The following ANAPC10 variants were observed in gnomAD, a reference collection of about 807,000 sequenced individuals.
ANAPC10 encodes the protein anaphase promoting complex subunit 10.
A neutral mutation model predicts 22.0 loss-of-function variants in ANAPC10; 12 were observed. That is an observed-to-expected ratio of 0.55 (90% CI 0.35 to 0.88). The LOEUF (loss-of-function observed/expected upper bound fraction) is 0.88. ANAPC10 is among the 40% of genes least tolerant of loss of function. The pLI is 0.01. For missense variants in ANAPC10, 188 were observed against 220.9 expected (o/e 0.85, Z 0.94); for synonymous variants, 65 against 69.5 (o/e 0.94, Z 0.32).
chr4:145,043,612 C>T (rs985313107), intron 4 of ANAPC10, among the ~76,000 whole-genome samples: 1 of 152,048 alleles, frequency 6.6e-6, no homozygotes, highest in South Asian at 2.1e-4. Context: ...TGAAATATAC[C>T]ATCAATTCTT....
At chr4:145,067,839 C>T (rs1743932406) in intron 3 of ANAPC10, among the ~76,000 whole-genome samples, 1 of 152,158 alleles carries the variant, frequency 6.6e-6, no homozygotes, top group Non-Finnish European at 1.5e-5. Context: ...GATCCAACTT[C>T]CCTTAAAGTT....
rs139115139 is a variant in ANAPC10 at position 145,045,743 on chromosome 4, G to A, written c.327+18829C>T. On this transcript the variant is annotated intron_variant, in intron 4 of 4. Transcript: ENST00000507656. ...CACATACTCATCTAAAATGTCACAC[G>A]TCAATACTCCTGATTTCCAAGGCTA... 5.1e-4 allele frequency among the ~76,000 whole-genome samples: 78 copies of A among 151,998 alleles called. 1 individual carries two copies. The highest frequency in any genetic ancestry group is 1.8e-3 in the African/African-American group (74 of 41,500).
At chr4:145,017,114 G>A (rs2126961941) in intron 4 of ANAPC10, among the ~76,000 whole-genome samples, 1 of 152,262 alleles carries the variant, frequency 6.6e-6, no homozygotes, top group Non-Finnish European at 1.5e-5. Context: ...AGCCAAAATT[G>A]ACAAATGGGA....
chr4:145,021,482 A>G (rs1158033702), intron 4 of ANAPC10, among the ~76,000 whole-genome samples: 1 of 152,162 alleles, frequency 6.6e-6, no homozygotes, highest in Non-Finnish European at 1.5e-5. Context: ...ATATAGGACA[A>G]TGAAACTGGA....
At position 145,034,543 on chromosome 4, in the gene ANAPC10, ATG is replaced by A. The variant is rs1553968684; in HGVS notation, c.327+30027_327+30028del. Among the ~76,000 whole-genome samples, 1,057 of 133,538 alleles carry A rather than the reference ATG, an allele frequency of 7.9e-3. 15 individuals are homozygous for A. Among genetic ancestry groups the A allele is most frequent in the Middle Eastern group, 0.012 (3 of 260 alleles). The allele number at this position is 133,538 out of a possible 152,430, so 87.6% of individuals were successfully genotyped here. On this transcript the variant is annotated intron_variant, in intron 4 of 4. Transcript: ENST00000507656. ...CTCCTTTATATATATATATATATAT[ATG>A]TGTGTGTGTGTGTGTGTGTGTGTGT...
At chr4:145,035,123 T>G (rs1313461200) in intron 4 of ANAPC10, 1 of 152,202 alleles carries the variant, frequency 6.6e-6, no homozygotes, top group East Asian at 1.9e-4. Flanking sequence ...ATGCAAGATT[T>G]GGAAAGCAGG....
chr4:145,055,734 C>T (rs113884780), intron 4 of ANAPC10, among the ~76,000 whole-genome samples: 4 of 151,964 alleles, frequency 2.6e-5, no homozygotes, highest in African/African-American at 9.7e-5. Flanking sequence ...AAAACTAGAA[C>T]AGTGCTCACC....
At chr4:145,071,513 T>G (rs572439321) in intron 3 of ANAPC10, among the ~76,000 whole-genome samples, 1 of 152,136 alleles carries the variant, frequency 6.6e-6, no homozygotes, top group Admixed American at 6.5e-5. Flanking sequence ...CAACAGAATA[T>G]TAAATAAATA....
chr4:145,068,755 C>A (rs777460093), intron 3 of ANAPC10, among the ~76,000 whole-genome samples: 17 of 152,074 alleles, frequency 1.1e-4, no homozygotes, highest in Non-Finnish European at 2.1e-4. Flanking sequence ...ACTAAAAATA[C>A]AAAATGTAGC....
intron 1 of ANAPC10, among the ~76,000 whole-genome samples, 172 bp from the exon 2 acceptor site, chr4:145,096,283 C>T (rs902096680): frequency 4.6e-5 from 7 of 152,114 alleles, no homozygotes; most frequent in African/African-American, 1.7e-4. Context: ...AGGGGCTGGG[C>T]ATGGTGGCTC....
intron 4 of ANAPC10, among the ~76,000 whole-genome samples, chr4:145,040,011 T>C (rs1739258636): frequency 6.6e-6 from 1 of 152,214 alleles, no homozygotes; most frequent in African/African-American, 2.4e-5. Context: ...CCAAAGCCCA[T>C]GCTCTTGGAT....
intron 3 of ANAPC10, among the ~76,000 whole-genome samples, chr4:145,072,258 G>GA (rs1023912481): frequency 2.2e-4 from 34 of 152,268 alleles, no homozygotes; most frequent in African/African-American, 8.2e-4. Flanking sequence ...CCAGAGCAGA[G>GA]AAAGAGCTTG....
intron 4 of ANAPC10, among the ~76,000 whole-genome samples, chr4:145,006,604 T>C (rs562688793): frequency 5.3e-5 from 8 of 152,274 alleles, no homozygotes; most frequent in South Asian, 2.1e-4. Context: ...TCATATCAAA[T>C]TGTCATTTTT....
At chr4:145,082,906 A>G (rs1746284768) in intron 2 of ANAPC10, among the ~76,000 whole-genome samples, 1 of 152,200 alleles carries the variant, frequency 6.6e-6, no homozygotes, top group South Asian at 2.1e-4. Flanking sequence ...AGACACAGTG[A>G]AAAGTCACTA....
At chr4:145,069,479 C>T (rs1744180502) in intron 3 of ANAPC10, among the ~76,000 whole-genome samples, 1 of 152,162 alleles carries the variant, frequency 6.6e-6, no homozygotes, top group African/African-American at 2.4e-5. Context: ...TACTGGAAAG[C>T]AGTAAGCCAA....
At chr4:145,055,108 G>A (rs1741854213) in intron 4 of ANAPC10, among the ~76,000 whole-genome samples, 1 of 152,156 alleles carries the variant, frequency 6.6e-6, no homozygotes, top group African/African-American at 2.4e-5. Context: ...CAAAAGAGCT[G>A]AATAAAGGAT....
intron 4 of ANAPC10, among the ~76,000 whole-genome samples, chr4:145,059,063 T>C (rs1016829449): frequency 1.3e-5 from 2 of 152,154 alleles, no homozygotes; most frequent in South Asian, 4.1e-4. Context: ...TTCTGTCTTA[T>C]CAAACCAATT....
chr4:145,054,900 T>C (rs1436312326), intron 4 of ANAPC10, among the ~76,000 whole-genome samples: 1 of 152,168 alleles, frequency 6.6e-6, no homozygotes, highest in Non-Finnish European at 1.5e-5. Context: ...ATCTTATAGT[T>C]GTACTCTTCT....
chr4:145,006,043 A>G (rs1216059379), intron 4 of ANAPC10, among the ~76,000 whole-genome samples: 1 of 152,158 alleles, frequency 6.6e-6, no homozygotes, highest in Non-Finnish European at 1.5e-5. Flanking sequence ...TAATACTAAC[A>G]GTGTGGTGTT....
Sources: gnomAD v4.1 joint callset for allele counts (sites outside exome capture counted in the v4.1 genomes callset) on GRCh38, gnomAD v4.1.1 for gene constraint, MANE v1.5 for transcripts, NCBI Gene and HGNC (gene_info 2026-07-23, HGNC 2026-07-21) for gene names.